PTPRG: variants seen among roughly 807,000 people sequenced by gnomAD.
PTPRG encodes the protein receptor-type tyrosine-protein phosphatase gamma.
Under a neutral mutation model 165.3 loss-of-function variants are expected in PTPRG, and 102 were observed. The ratio of observed to expected loss-of-function variants is 0.62; its 90% CI spans 0.53 to 0.73. The LOEUF is 0.73. Among genes scored for constraint, PTPRG ranks in the 30% least tolerant of loss-of-function variants. The probability of loss-of-function intolerance (pLI) is 0.00; values close to 1 mark genes in which losing one functional copy is unlikely to be tolerated. For synonymous variants in PTPRG, 675 were observed against 669.5 expected (o/e 1.01, Z -0.13); for missense variants, 1,866 against 1,861.4 (o/e 1.00, Z -0.05).
At chr3:61,585,560 C>T (rs1246613398) in intron 1 of PTPRG, among the ~76,000 whole-genome samples, 1 of 151,988 alleles carries the variant, frequency 6.6e-6, no homozygotes, top group Non-Finnish European at 1.5e-5. Flanking sequence ...GCCTGGGCAA[C>T]ATGGCAAAAC....
chr3:62,133,136 G>T (rs540421276), intron 6 of PTPRG, among the ~76,000 whole-genome samples: 1 of 152,144 alleles, frequency 6.6e-6, no homozygotes, highest in Non-Finnish European at 1.5e-5. Flanking sequence ...CTGCTGTTCT[G>T]TGCTGCAGAT....
Position 62,240,055 on chromosome 3 carries a change from G to C in PTPRG, c.2376-3752G>C, listed in dbSNP as rs1331661963. On this transcript the variant is annotated intron_variant, in intron 14 of 29. Transcript: ENST00000474889. This position sits in a 1 kb window ranked among gnomAD's most constrained non-coding sequence, Gnocchi z 5.1. ...GACCCCCCAATAGATAGTTATTAAA[G>C]GAATAAATTAAATACCAGCATTGTA... Among the ~76,000 whole-genome samples, 1 of 152,098 alleles carries C rather than the reference G, an allele frequency of 6.6e-6. No homozygotes were observed. Among genetic ancestry groups the C allele is most frequent in the Non-Finnish European group, 1.5e-5 (1 of 68,028 alleles).
chr3:62,240,921 C>T lies in PTPRG; in HGVS notation c.2376-2886C>T, dbSNP rs1701145470. On this transcript the variant is annotated intron_variant, in intron 14 of 29. Coordinates refer to ENST00000474889, the MANE Select transcript of PTPRG (RefSeq NM_002841.4). This position sits in a 1 kb window ranked among gnomAD's most constrained non-coding sequence, Gnocchi z 5.1. ...ATTTATTTGCTTGTTGTGGATTTTTCCCCATGAAGACATAAATACTAGGAG... is the reference window on the plus strand; with the variant it reads ...ATTTATTTGCTTGTTGTGGATTTTTTCCCATGAAGACATAAATACTAGGAG... Among the ~76,000 whole-genome samples, 1 of 152,114 alleles carries T rather than the reference C, an allele frequency of 6.6e-6. No individual in the cohort carries two copies. Among genetic ancestry groups the T allele is most frequent in the Non-Finnish European group, 1.5e-5 (1 of 68,020 alleles).
At chr3:61,798,316 C>T (rs544778983) in intron 2 of PTPRG, among the ~76,000 whole-genome samples, 39 of 152,332 alleles carry the variant, frequency 2.6e-4, no homozygotes, top group African/African-American at 9.4e-4. Context: ...CCCCAACACA[C>T]ACTTCACCAC....
chr3:61,897,183 C>T (rs922906889), intron 2 of PTPRG, among the ~76,000 whole-genome samples: 10 of 152,054 alleles, frequency 6.6e-5, no homozygotes, highest in African/African-American at 2.4e-4. Context: ...CCTACGTTAC[C>T]AAGATTCTCT....
chr3:61,761,228 G>A (rs965620377), intron 2 of PTPRG, among the ~76,000 whole-genome samples: 7 of 152,120 alleles, frequency 4.6e-5, no homozygotes, highest in African/African-American at 1.7e-4. Context: ...CAGTGTAAAA[G>A]CATTTCTGTT....
intron 2 of PTPRG, among the ~76,000 whole-genome samples, chr3:61,813,710 G>A (rs2035666484): frequency 6.6e-6 from 1 of 151,788 alleles, no homozygotes; most frequent in South Asian, 2.1e-4. Context: ...GCTCTTCCAT[G>A]GAACATCTTG....
At chr3:61,807,422 G>T (rs923965802) in intron 2 of PTPRG, among the ~76,000 whole-genome samples, 1 of 152,194 alleles carries the variant, frequency 6.6e-6, no homozygotes, top group Non-Finnish European at 1.5e-5. Context: ...TCAGAACTTA[G>T]TTTTGACCCT....
intron 2 of PTPRG, among the ~76,000 whole-genome samples, chr3:61,888,229 G>A (rs1446372283): frequency 6.6e-6 from 1 of 151,804 alleles, no homozygotes; most frequent in Admixed American, 6.6e-5. Context: ...GTGTCTGTCT[G>A]TCCGTCTGTG....
At chr3:62,076,494 T>G (rs1032304850) in intron 4 of PTPRG, among the ~76,000 whole-genome samples, 77 of 151,854 alleles carry the variant, frequency 5.1e-4, no homozygotes, top group African/African-American at 1.1e-3. Flanking sequence ...GTCTGGTTTT[T>G]TTTGTTTGTT....
chr3:61,614,254 T>C (rs1335950408), intron 1 of PTPRG, among the ~76,000 whole-genome samples: 3 of 152,104 alleles, frequency 2.0e-5, no homozygotes. Flanking sequence ...GTTGCCACAA[T>C]GGCAGAGTAA....
At chr3:61,839,092 A>G (rs2036549637) in intron 2 of PTPRG, among the ~76,000 whole-genome samples, 1 of 152,214 alleles carries the variant, frequency 6.6e-6, no homozygotes, top group Non-Finnish European at 1.5e-5. Flanking sequence ...GCAAATCTAA[A>G]ACCAACAAGG....
intron 1 of PTPRG, among the ~76,000 whole-genome samples, chr3:61,636,416 C>A (rs777940137): frequency 6.6e-6 from 1 of 152,162 alleles, no homozygotes; most frequent in Admixed American, 6.5e-5. Flanking sequence ...AATAGGTGGC[C>A]TTTTGTGTCT....
chr3:62,269,601 A>G (rs182779929), intron 20 of PTPRG, among the ~76,000 whole-genome samples: 27 of 152,338 alleles, frequency 1.8e-4, no homozygotes, highest in South Asian at 8.3e-4. Flanking sequence ...AATGAATGCT[A>G]CATAATATAT....
chr3:61,742,934 G>A, intron 1 of PTPRG: 1 of 1,465,000 alleles, frequency 6.8e-7, no homozygotes, highest in East Asian at 2.3e-5. Flanking sequence ...TTAGGGCGGG[G>A]AGTGGACTTA....
intron 2 of PTPRG, among the ~76,000 whole-genome samples, chr3:61,767,470 C>T (rs1049842187): frequency 8.5e-5 from 13 of 152,118 alleles, no homozygotes; most frequent in Admixed American, 2.0e-4. Flanking sequence ...CTCAGCTGAG[C>T]GCTGCCCTTG....
At chr3:62,188,603 A>T (rs979223005) in intron 8 of PTPRG, among the ~76,000 whole-genome samples, 4 of 152,130 alleles carry the variant, frequency 2.6e-5, no homozygotes, top group African/African-American at 9.7e-5. Context: ...TATTAACATG[A>T]ATCATCTTAA....
chr3:61,853,109 A>G (rs2037010695), intron 2 of PTPRG, among the ~76,000 whole-genome samples: 1 of 152,196 alleles, frequency 6.6e-6, no homozygotes, highest in African/African-American at 2.4e-5. Flanking sequence ...CTTACGTTCT[A>G]CTGTGGGAAA....
At chr3:61,992,208 C>G (rs1029013250) in intron 3 of PTPRG, among the ~76,000 whole-genome samples, 14 of 151,648 alleles carry the variant, frequency 9.2e-5, no homozygotes, top group African/African-American at 3.2e-4. Context: ...AAAGTGACAA[C>G]CAGTTATATG....
Sources: allele counts gnomAD v4.1 joint callset (sites outside exome capture counted in the v4.1 genomes callset), GRCh38; gene constraint gnomAD v4.1.1; non-coding constraint Gnocchi (gnomAD v3.1); transcripts MANE v1.5; gene names NCBI Gene and HGNC (gene_info 2026-07-23, HGNC 2026-07-21).